The following THSD4 variants were observed in gnomAD, a reference collection of about 807,000 sequenced individuals.
The protein encoded by THSD4 is thrombospondin type 1 domain containing 4.
Under a neutral mutation model 119.0 loss-of-function variants are expected in THSD4, and 69 were observed. The observed-to-expected ratio is 0.58, with a 90% CI of 0.48 to 0.71. The LOEUF is 0.71. Among genes scored for constraint, THSD4 ranks in the 30% least tolerant of loss-of-function variants. The probability of loss-of-function intolerance (pLI) is 0.00; values close to 1 mark genes in which losing one functional copy is unlikely to be tolerated. For missense variants in THSD4, 1,393 were observed against 1,391.1 expected (o/e 1.00, Z -0.02); for synonymous variants, 524 against 540.4 (o/e 0.97, Z 0.42).
chr15:71,676,181 A>G (rs760042314), intron 8 of THSD4, among the ~76,000 whole-genome samples: 1 of 152,106 alleles, frequency 6.6e-6, no homozygotes, highest in Non-Finnish European at 1.5e-5. Context: ...TTCTTTTTTT[A>G]TTGTGGTAAA....
intron 3 of THSD4, among the ~76,000 whole-genome samples, chr15:71,174,268 T>G (rs1160407942): frequency 6.6e-6 from 1 of 152,110 alleles, no homozygotes; most frequent in Non-Finnish European, 1.5e-5. Flanking sequence ...TGCCAGACAG[T>G]GGGCGCAGGC....
chr15:71,588,780 G>A (rs2049740236), intron 7 of THSD4, among the ~76,000 whole-genome samples: 1 of 152,188 alleles, frequency 6.6e-6, no homozygotes, highest in Non-Finnish European at 1.5e-5. Context: ...GTATGGGGCT[G>A]GGGTAGCTTG....
chr15:71,299,976 A>T (rs11639298), intron 6 of THSD4, among the ~76,000 whole-genome samples: 12,902 of 47,468 alleles, frequency 0.27, 946 homozygotes, highest in Non-Finnish European at 0.32. Context: ...AAAAAAAAAA[A>T]ATATATATAT....
In THSD4 at chr15:71,442,680, A is replaced by ATGTG. The variant is rs1566985074; in HGVS notation, c.1152+30858_1152+30859insGTGT. Reference sequence around the variant, plus strand: ...TGTGTGTATATATATATATATATATATATATATATATATATATATATATGA... The same window carrying ATGTG: ...TGTGTGTATATATATATATATATATATGTGTATATATATATATATATATATATGA... On this transcript the variant is annotated intron_variant, in intron 7 of 17. Coordinates refer to ENST00000261862, the MANE Select transcript of THSD4 (RefSeq NM_024817.3). 8.1e-5 allele frequency among the ~76,000 whole-genome samples: 7 copies of ATGTG among 86,110 alleles called. 1 individual carries two copies. The highest frequency in any genetic ancestry group is 3.2e-4 in the African/African-American group (7 of 21,584). 56.5% of individuals were successfully genotyped at this position (86,110 alleles called of 152,430 possible). A position where few individuals can be genotyped will look rare whatever the true frequency, so the allele number is the denominator to read the frequency against.
chr15:71,174,208 G>A (rs1411554402), intron 3 of THSD4, among the ~76,000 whole-genome samples: 2 of 152,158 alleles, frequency 1.3e-5, no homozygotes, highest in African/African-American at 4.8e-5. Context: ...GCAGAAGACG[G>A]GTGATTTCTG....
Position 71,540,578 on chromosome 15 carries a change from G to GCA in THSD4, c.1153-119951_1153-119950insAC, listed in dbSNP as rs1326259550. 1.6e-3 allele frequency among the ~76,000 whole-genome samples: 221 copies of GCA among 139,506 alleles called. 2 individuals are homozygous for GCA. The highest frequency in any genetic ancestry group is 5.6e-3 in the African/African-American group (205 of 36,758). 91.5% of individuals were successfully genotyped at this position (139,506 alleles called of 152,430 possible). On this transcript the variant is annotated intron_variant, in intron 7 of 17. Coordinates refer to ENST00000261862, the MANE Select transcript of THSD4 (RefSeq NM_024817.3). The stretch of plus-strand genomic sequence containing the variant: ...CGAGTAGATGGGATTACAAGCACGT[G>GCA]CCACCACACTCAGCTAATTTTTGTA...
intron 3 of THSD4, among the ~76,000 whole-genome samples, chr15:71,204,561 C>A (rs1478161920): frequency 6.6e-6 from 1 of 152,054 alleles, no homozygotes; most frequent in Non-Finnish European, 1.5e-5. Flanking sequence ...TCATTAAGTC[C>A]AACCAGCTCA....
chr15:71,190,150 C>G (rs1429851226), intron 3 of THSD4, among the ~76,000 whole-genome samples: 6 of 152,186 alleles, frequency 3.9e-5, no homozygotes, highest in Non-Finnish European at 8.8e-5. Context: ...GGCTCAAGGT[C>G]CCTCTCATCT....
intron 2 of THSD4, among the ~76,000 whole-genome samples, chr15:71,142,075 A>C (rs1567136643): frequency 6.6e-6 from 1 of 151,926 alleles, no homozygotes; most frequent in Non-Finnish European, 1.5e-5. Context: ...TGCATAATAC[A>C]ATTTTCTAAA....
At chr15:71,160,580 C>T (rs2043240625) in intron 3 of THSD4, among the ~76,000 whole-genome samples, 1 of 151,830 alleles carries the variant, frequency 6.6e-6, no homozygotes, top group Non-Finnish European at 1.5e-5. Flanking sequence ...TCCATTTATT[C>T]TGTGTTTTTA....
chr15:71,514,383 G>C (rs2048325464), intron 7 of THSD4, among the ~76,000 whole-genome samples: 1 of 152,190 alleles, frequency 6.6e-6, no homozygotes, highest in Non-Finnish European at 1.5e-5. Context: ...CCAACTGGTG[G>C]AGCCTGCCAG....
chr15:71,224,739 C>T (rs1341975219), intron 4 of THSD4, among the ~76,000 whole-genome samples: 2 of 152,154 alleles, frequency 1.3e-5, no homozygotes, highest in Non-Finnish European at 2.9e-5. Flanking sequence ...TGCATTGGCT[C>T]GTGGCCCCTC....
chr15:71,714,207 T>C (rs866336922), intron 8 of THSD4, among the ~76,000 whole-genome samples: 2 of 152,188 alleles, frequency 1.3e-5, no homozygotes, highest in African/African-American at 4.8e-5. Context: ...GAGATGAAGA[T>C]AGTTTATATA....
chr15:71,157,016 T>C (rs1412302797), intron 3 of THSD4, among the ~76,000 whole-genome samples: 1 of 152,228 alleles, frequency 6.6e-6, no homozygotes, highest in Non-Finnish European at 1.5e-5. Context: ...AACTGCCTAC[T>C]TTTATTATGA....
intron 7 of THSD4, among the ~76,000 whole-genome samples, chr15:71,505,389 T>C (rs1356812167): frequency 6.6e-6 from 1 of 152,226 alleles, no homozygotes; most frequent in Admixed American, 6.5e-5. Context: ...AACAGACATG[T>C]ACTTTAAAAA....
At chr15:71,374,986 C>T (rs1038927086) in intron 6 of THSD4, among the ~76,000 whole-genome samples, 46 of 152,140 alleles carry the variant, frequency 3.0e-4, no homozygotes, top group African/African-American at 9.7e-4. Flanking sequence ...TTAGAGAAAT[C>T]CTCACAGCCA....
intron 6 of THSD4, among the ~76,000 whole-genome samples, chr15:71,346,868 C>CTTTTTTTTTTTTTTTT (rs71154763): frequency 3.5e-5 from 3 of 86,010 alleles, no homozygotes; most frequent in South Asian, 4.6e-4. Context: ...TTTTCATTTT[C>CTTTTTTTTTTTTTTTT]TTTTTTTTTT....
chr15:71,764,953 T>A, intron 15 of THSD4, 67 bp from the exon 16 acceptor site: 1 of 1,550,234 alleles, frequency 6.5e-7, no homozygotes. Flanking sequence ...AAGCATCCCT[T>A]GATGGACAGT....
At chr15:71,165,788 G>A (rs954095947) in intron 3 of THSD4, among the ~76,000 whole-genome samples, 1 of 152,102 alleles carries the variant, frequency 6.6e-6, no homozygotes, top group African/African-American at 2.4e-5. Context: ...GCATGTGTGG[G>A]TGTGGTGGGC....
Sources: gnomAD v4.1 joint callset for allele counts (sites outside exome capture counted in the v4.1 genomes callset) on GRCh38, gnomAD v4.1.1 for gene constraint, MANE v1.5 for transcripts, NCBI Gene and HGNC (gene_info 2026-07-23, HGNC 2026-07-21) for gene names.